Variants in TMTC2 observed in about 807,000 individuals in gnomAD.
TMTC2 encodes the protein protein O-mannosyl-transferase TMTC2.
TMTC2 carries 43 observed loss-of-function variants against 82.4 expected under a neutral mutation model. That is an observed-to-expected ratio of 0.52 (90% CI 0.41 to 0.67). The LOEUF (loss-of-function observed/expected upper bound fraction) is 0.67. Among genes scored for constraint, TMTC2 ranks in the 30% least tolerant of loss-of-function variants. The probability of loss-of-function intolerance (pLI) is 0.00; values close to 1 mark genes in which losing one functional copy is unlikely to be tolerated. For synonymous variants in TMTC2, 408 were observed against 381.9 expected (o/e 1.07, Z -0.80); for missense variants, 919 against 1,012.4 (o/e 0.91, Z 1.25).
At chr12:82,835,223 A>T (rs1026975823) in intron 1 of TMTC2, among the ~76,000 whole-genome samples, 4 of 152,246 alleles carry the variant, frequency 2.6e-5, no homozygotes, top group Admixed American at 1.3e-4. Context: ...TATGTGTGCC[A>T]AATATAATAC....
chr12:82,876,726 G>GT (rs1382275589), intron 2 of TMTC2, among the ~76,000 whole-genome samples: 7 of 151,676 alleles, frequency 4.6e-5, no homozygotes, highest in Non-Finnish European at 1.0e-4. Context: ...ATTTCGTTTT[G>GT]TTTTTTGCAA....
At chr12:82,864,764 A>G (rs185830753) in intron 2 of TMTC2, among the ~76,000 whole-genome samples, 2,510 of 151,576 alleles carry the variant, frequency 0.017, 77 homozygotes, top group African/African-American at 0.058. Flanking sequence ...GCCTCCCAAC[A>G]TGCTGGGATT....
chr12:83,047,655 A>G (rs1211019115), intron 9 of TMTC2, among the ~76,000 whole-genome samples: 3 of 152,200 alleles, frequency 2.0e-5, no homozygotes, highest in Non-Finnish European at 4.4e-5. Context: ...GAATATTAAT[A>G]TGGTGAATGA....
intron 11 of TMTC2, among the ~76,000 whole-genome samples, chr12:83,063,149 T>C (rs1045729755): frequency 3.3e-5 from 5 of 151,860 alleles, no homozygotes; most frequent in East Asian, 1.9e-4. Context: ...TGGTAATCAG[T>C]TGGGAGGAAC....
chr12:82,992,380 T>G (rs1879439284), intron 8 of TMTC2, among the ~76,000 whole-genome samples: 1 of 152,228 alleles, frequency 6.6e-6, no homozygotes, highest in African/African-American at 2.4e-5. Context: ...CAGACATGTT[T>G]AGATTGGAGC....
At chr12:82,981,173 T>A (rs575544752) in intron 7 of TMTC2, among the ~76,000 whole-genome samples, 1 of 152,006 alleles carries the variant, frequency 6.6e-6, no homozygotes, top group Admixed American at 6.6e-5. Flanking sequence ...TACTTTTGTC[T>A]TCTTTTCTTA....
At chr12:82,836,236 G>A (rs145756688) in intron 1 of TMTC2, among the ~76,000 whole-genome samples, 126 of 152,322 alleles carry the variant, frequency 8.3e-4, no homozygotes, top group African/African-American at 2.9e-3. Flanking sequence ...ACACTTAGTG[G>A]CCTTCCAAAG....
Position 82,985,918 on chromosome 12 carries a change from T to A in TMTC2, c.1949-7T>A, listed in dbSNP as rs1368331046. The A allele has an allele frequency of 6.2e-6, 10 of 1,612,168 alleles. No individual in the cohort carries two copies. The highest frequency in any genetic ancestry group is 8.5e-6 in the Non-Finnish European group (10 of 1,178,700). On this transcript the variant is annotated splice_polypyrimidine_tract_variant and splice_region_variant and intron_variant, in intron 7 of 11. Transcript: ENST00000321196. ...CCTTTGACCTTCATGATTAATTCTC[T>A]TTCCAGGTGAAGCATATATGCGTTT...
intron 2 of TMTC2, among the ~76,000 whole-genome samples, chr12:82,880,103 C>T (rs1872751348): frequency 1.3e-5 from 2 of 152,130 alleles, no homozygotes; most frequent in African/African-American, 4.8e-5. Context: ...GAGCAAGACA[C>T]ATGGGTTGAT....
intron 11 of TMTC2, among the ~76,000 whole-genome samples, chr12:83,083,819 T>A (rs1283585138): frequency 6.6e-6 from 1 of 152,186 alleles, no homozygotes; most frequent in Non-Finnish European, 1.5e-5. Flanking sequence ...AAGACAGCAG[T>A]CTTTTACAGT....
intron 3 of TMTC2, among the ~76,000 whole-genome samples, chr12:82,928,235 T>G (rs1460505037): frequency 1.3e-5 from 2 of 152,156 alleles, no homozygotes; most frequent in Non-Finnish European, 2.9e-5. Context: ...GGTGCTTAAA[T>G]TAACATTTGA....
chr12:82,976,201 A>G (rs188833145), intron 7 of TMTC2, among the ~76,000 whole-genome samples: 277 of 152,268 alleles, frequency 1.8e-3, no homozygotes, highest in African/African-American at 6.0e-3. Context: ...TTGAAAATAT[A>G]AAGGAAATTG....
intron 1 of TMTC2, among the ~76,000 whole-genome samples, chr12:82,767,218 A>C (rs1057331221): frequency 2.6e-5 from 4 of 152,144 alleles, no homozygotes; most frequent in Non-Finnish European, 4.4e-5. Flanking sequence ...TTTACTCCCC[A>C]TACTTTGTAG....
intron 1 of TMTC2, among the ~76,000 whole-genome samples, chr12:82,693,097 T>G (rs547118405): frequency 6.6e-6 from 1 of 152,194 alleles, no homozygotes; most frequent in Non-Finnish European, 1.5e-5. Context: ...ACATTGTGCA[T>G]TCTTACCTGT....
chr12:82,983,769 A>G (rs921044174), intron 7 of TMTC2, among the ~76,000 whole-genome samples: 2 of 152,062 alleles, frequency 1.3e-5, no homozygotes, highest in Non-Finnish European at 2.9e-5. Context: ...TTAGGCCCAT[A>G]TTCCATCTGG....
intron 1 of TMTC2, among the ~76,000 whole-genome samples, chr12:82,761,967 C>CTTTTT (rs55750088): frequency 1.3e-5 from 1 of 74,624 alleles, no homozygotes; most frequent in African/African-American, 4.9e-5. Flanking sequence ...TTTCCCTTTC[C>CTTTTT]TTTTTTTTTT....
At position 83,132,914 on chromosome 12, in the gene TMTC2, A is replaced by C. The variant is rs1885311779; in HGVS notation, c.*525A>C. ...CTTATCAATTTCTGAAGCTTAGAAC[A>C]CTTTTTTTAATACTGTGTCAAGATC... On this transcript the variant is annotated 3_prime_UTR_variant, in exon 12 of 12. Coordinates refer to ENST00000321196, the MANE Select transcript of TMTC2 (RefSeq NM_152588.3). The C allele has an allele frequency of 6.5e-6, 1 of 153,318 alleles. No individual in the cohort carries two copies. The highest frequency in any genetic ancestry group is 6.5e-5 in the Admixed American group (1 of 15,274). 9.5% of individuals were successfully genotyped at this position (153,318 alleles called of 1,614,324 possible).
chr12:82,941,756 T>TTTTTG (rs1299086803), intron 4 of TMTC2, among the ~76,000 whole-genome samples: 1 of 152,100 alleles, frequency 6.6e-6, no homozygotes, highest in East Asian at 1.9e-4. Context: ...TTTGTTGTTG[T>TTTTTG]TTTTGTTTTG....
At chr12:82,907,336 G>A (rs1178134619) in intron 3 of TMTC2, among the ~76,000 whole-genome samples, 4 of 151,874 alleles carry the variant, frequency 2.6e-5, no homozygotes, top group East Asian at 1.9e-4. Context: ...GGTGGTGCGC[G>A]CCTATAGTCC....
Sources: allele counts gnomAD v4.1 joint callset (sites outside exome capture counted in the v4.1 genomes callset), GRCh38; gene constraint gnomAD v4.1.1; transcripts MANE v1.5; gene names NCBI Gene and HGNC (gene_info 2026-07-23, HGNC 2026-07-21).